The following TLK1 variants were observed in gnomAD, a reference collection of about 807,000 sequenced individuals.
TLK1 encodes tousled like kinase 1.
Under a neutral mutation model 105.3 loss-of-function variants are expected in TLK1, and 24 were observed. The ratio of observed to expected loss-of-function variants is 0.23; its 90% confidence interval spans 0.17 to 0.32. TLK1 has a LOEUF of 0.32. Among genes scored for constraint, TLK1 ranks in the 10% least tolerant of loss-of-function variants. The pLI, the probability that TLK1 is intolerant of heterozygous loss-of-function variation, is 1.00. For synonymous variants in TLK1, 321 were observed against 310.4 expected (o/e 1.03, Z -0.36); for missense variants, 558 against 910.5 (o/e 0.61, Z 4.98).
intron 1 of TLK1, among the ~76,000 whole-genome samples, chr2:171,169,616 T>C (rs763719007): frequency 9.9e-5 from 15 of 152,226 alleles, no homozygotes; most frequent in Non-Finnish European, 1.8e-4. Flanking sequence ...CTTTCTGTGG[T>C]AAAATAATGG....
intron 3 of TLK1, 39 bp downstream of exon 3, chr2:171,082,742 T>C (rs1688808089): frequency 1.0e-5 from 15 of 1,458,448 alleles, no homozygotes; most frequent in Non-Finnish European, 1.2e-5. Flanking sequence ...ATTCCAGCTT[T>C]TACTTTAATA....
Position 170,997,834 on chromosome 2 carries a change from TGTGGG to T in TLK1, c.1905-16_1905-12del. On this transcript the variant is annotated splice_polypyrimidine_tract_variant and intron_variant, in intron 18 of 20. Coordinates refer to ENST00000431350, the MANE Select transcript of TLK1 (RefSeq NM_012290.5). Reference sequence around the variant, plus strand: ...TCAGGAGGTAAATACCTGTAAGTTTTGTGGGAGAGAAAAAAGGTTACTACTGACAA... The same window carrying T: ...TCAGGAGGTAAATACCTGTAAGTTTTAGAGAAAAAAGGTTACTACTGACAA... The T allele has an allele frequency of 6.5e-7, 1 of 1,540,240 alleles. No individual in the cohort carries two copies. The highest frequency in any genetic ancestry group is 8.9e-7 in the Non-Finnish European group (1 of 1,128,978).
In TLK1 at chr2:171,160,549, A is replaced by C; in HGVS notation, c.-121T>G. ...GGCGAGCGAGAGAGCGAGGGCTGGG[A>C]GGGGAGAGTCAAGGGGATGGGGGAG... On this transcript the variant is annotated 5_prime_UTR_variant, in exon 1 of 21. Transcript: ENST00000431350. The surrounding 1 kb of genome is among the most constrained non-coding windows in gnomAD (Gnocchi z 4.4). 2.6e-6 allele frequency: 3 copies of C among 1,174,658 alleles called. No homozygotes were observed. Among genetic ancestry groups the C allele is most frequent in the Non-Finnish European group, 3.3e-6 (3 of 901,094 alleles). The allele number at this position is 1,174,658 out of a possible 1,614,324, so 72.8% of individuals were successfully genotyped here.
chr2:171,160,962 C>T, upstream of TLK1: 1 of 156,136 alleles, frequency 6.4e-6, no homozygotes, highest in Middle Eastern at 3.4e-3. The surrounding 1 kb of genome is among the most constrained non-coding windows in gnomAD (Gnocchi z 4.4). Context: ...CCTGCGCCTC[C>T]GGTAGCGGCG....
chr2:170,995,113 A>G (rs1054547061), intron 20 of TLK1, among the ~76,000 whole-genome samples: 79 of 152,164 alleles, frequency 5.2e-4, no homozygotes, highest in African/African-American at 1.8e-3. Flanking sequence ...TATCTTTTTT[A>G]TCTTTAACAA....
chr2:171,110,777 T>G (rs1690126884), intron 2 of TLK1, among the ~76,000 whole-genome samples: 1 of 152,208 alleles, frequency 6.6e-6, no homozygotes, highest in Non-Finnish European at 1.5e-5. Context: ...TTTAATACCT[T>G]AATTGTGATG....
At chr2:171,020,001 C>T (rs1018394393) in intron 12 of TLK1, among the ~76,000 whole-genome samples, 2 of 150,158 alleles carry the variant, frequency 1.3e-5, no homozygotes, top group Admixed American at 1.3e-4. Flanking sequence ...GAGGTTGCAG[C>T]GAGCCAAGAT....
chr2:171,160,552 G>A lies in TLK1; in HGVS notation c.-124C>T, dbSNP rs1017879754. ...GAGCGAGAGAGCGAGGGCTGGGAGG[G>A]GAGAGTCAAGGGGATGGGGGAGGAA... On this transcript the variant is annotated 5_prime_UTR_variant, in exon 1 of 21. Transcript: ENST00000431350. The surrounding 1 kb of genome is among the most constrained non-coding windows in gnomAD (Gnocchi z 4.4). 8.6e-6 allele frequency: 13 copies of A among 1,520,440 alleles called. No individual in the cohort carries two copies. Among genetic ancestry groups the A allele is most frequent in the East Asian group, 5.1e-5 (2 of 39,488 alleles). The allele number at this position is 1,520,440 out of a possible 1,614,324, so 94.2% of individuals were successfully genotyped here. A position where few individuals can be genotyped will look rare whatever the true frequency, so the allele number is the denominator to read the frequency against.
rs771860372 is a variant in TLK1 at position 171,061,053 on chromosome 2, G to C, written c.406+28C>G. On this transcript the variant is annotated intron_variant, in intron 4 of 20. Coordinates refer to ENST00000431350, the MANE Select transcript of TLK1 (RefSeq NM_012290.5). The stretch of plus-strand genomic sequence containing the variant: ...ACAATTAATTTTAAGTGTCCACTAG[G>C]CTCTGAAGGAAGATGTTATGTGCTT... 1.9e-6 allele frequency: 3 copies of C among 1,594,944 alleles called. No individual in the cohort carries two copies. In the Admixed American group the frequency reaches 5.1e-5, roughly 27 times the overall value.
At chr2:171,199,026 T>C (rs1207611691) in intron 1 of TLK1, among the ~76,000 whole-genome samples, 1 of 152,216 alleles carries the variant, frequency 6.6e-6, no homozygotes, top group African/African-American at 2.4e-5. Context: ...GAAAGAACCA[T>C]GTACCCAAAA....
intron 2 of TLK1, among the ~76,000 whole-genome samples, chr2:171,101,245 C>A (rs1028631965): frequency 1.4e-5 from 2 of 146,980 alleles, no homozygotes; most frequent in East Asian, 4.3e-4. Flanking sequence ...ACTCAGGAGG[C>A]TGAGGCAGGA....
intron 1 of TLK1, among the ~76,000 whole-genome samples, chr2:171,151,536 G>A (rs983201698): frequency 1.6e-4 from 23 of 143,904 alleles, no homozygotes; most frequent in African/African-American, 5.6e-4. Context: ...GTGCAGTGGC[G>A]CCATCTCAGC....
At chr2:171,068,219 C>T (rs997636913) in intron 3 of TLK1, among the ~76,000 whole-genome samples, 1 of 152,118 alleles carries the variant, frequency 6.6e-6, no homozygotes. Flanking sequence ...GTCCCAACTA[C>T]TCGGGAGGTT....
At position 171,160,732 on chromosome 2, in the gene TLK1, G is replaced by T. The variant is rs1048993599; in HGVS notation, c.-304C>A. ...GGAGGCGTCGAGGGGGTGCCAGCCG[G>T]GCCGGGGTCGGAGCGCGGGCGGAGC... On this transcript the variant is annotated 5_prime_UTR_variant, in exon 1 of 21. Transcript: ENST00000431350. The surrounding 1 kb of genome is among the most constrained non-coding windows in gnomAD (Gnocchi z 4.4). 6.6e-6 allele frequency: 3 copies of T among 452,174 alleles called. No homozygotes were observed. Among genetic ancestry groups the T allele is most frequent in the Admixed American group, 8.8e-5 (2 of 22,816 alleles). 28.0% of individuals were successfully genotyped at this position (452,174 alleles called of 1,614,324 possible).
intron 1 of TLK1, among the ~76,000 whole-genome samples, chr2:171,154,216 T>A (rs943757827): frequency 2.6e-5 from 4 of 152,120 alleles, no homozygotes; most frequent in Non-Finnish European, 5.9e-5. Context: ...AAACAAAATA[T>A]AACCTTGCAA....
rs560387445 is a variant in TLK1 at position 171,011,293 on chromosome 2, C to A, written c.1416+80G>T. ...ACATGTGTGAGCCACCATGCCCAGA[C>A]AACGTAAGTACTTCTTAACCACATA... On this transcript the variant is annotated intron_variant, in intron 14 of 20. Coordinates refer to ENST00000431350, the MANE Select transcript of TLK1 (RefSeq NM_012290.5). 17 of 1,234,178 alleles carry A rather than the reference C, an allele frequency of 1.4e-5. No homozygotes were observed. In the African/African-American group the frequency reaches 2.1e-4, roughly 15 times the overall value. 76.5% of individuals were successfully genotyped at this position (1,234,178 alleles called of 1,614,324 possible).
intron 1 of TLK1, among the ~76,000 whole-genome samples, chr2:171,149,375 A>G (rs902827936): frequency 4.6e-5 from 7 of 152,174 alleles, no homozygotes; most frequent in Admixed American, 6.5e-5. Flanking sequence ...AACAAAATCT[A>G]CAGATAAGGC....
At chr2:171,062,567 C>T (rs187290871) in intron 3 of TLK1, among the ~76,000 whole-genome samples, 248 of 152,286 alleles carry the variant, frequency 1.6e-3, no homozygotes, top group African/African-American at 5.8e-3. Flanking sequence ...CATCTTCTCC[C>T]TATCTCACCC....
In TLK1 at chr2:171,077,889, T is replaced by C. The variant is rs570428693; in HGVS notation, c.330+4892A>G. Among the ~76,000 whole-genome samples, 82 of 152,290 alleles carry C rather than the reference T, an allele frequency of 5.4e-4. 1 individual carries two copies. The highest frequency in any genetic ancestry group is 5.4e-3 in the Admixed American group (82 of 15,302). ...TCATGAGCTAATGAAAGTTAAAAAG[T>C]CAAATAATGTGTTGGCGCTTTTATA... On this transcript the variant is annotated intron_variant, in intron 3 of 20. Transcript: ENST00000431350.
Sources: gnomAD v4.1 joint callset for allele counts (sites outside exome capture counted in the v4.1 genomes callset) on GRCh38, gnomAD v4.1.1 for gene constraint, Gnocchi (gnomAD v3.1) non-coding constraint, MANE v1.5 for transcripts, NCBI Gene and HGNC (gene_info 2026-07-23, HGNC 2026-07-21) for gene names.